Variants in ESRRG observed in about 807,000 individuals in gnomAD.
ESRRG encodes estrogen-related receptor gamma.
In ESRRG, 13 loss-of-function variants were observed where a neutral mutation model predicts 44.0. That is an observed-to-expected ratio of 0.30 (90% CI 0.19 to 0.47). The LOEUF (loss-of-function observed/expected upper bound fraction) is 0.47. ESRRG is among the 20% of genes least tolerant of loss of function. ESRRG has a pLI of 1.00. For synonymous variants in ESRRG, 215 were observed against 214.6 expected (o/e 1.00, Z -0.02); for missense variants, 395 against 580.6 (o/e 0.68, Z 3.29).
At chr1:217,027,806 G>GATA (rs2081448579) in intron 1 of ESRRG, among the ~76,000 whole-genome samples, 1 of 152,100 alleles carries the variant, frequency 6.6e-6, no homozygotes, top group African/African-American at 2.4e-5. Flanking sequence ...GGATAAAGTA[G>GATA]ACAAATAACA....
At chr1:216,674,208 AGT>A (rs1391770876) in intron 2 of ESRRG, among the ~76,000 whole-genome samples, 1 of 152,208 alleles carries the variant, frequency 6.6e-6, no homozygotes, top group Non-Finnish European at 1.5e-5. Flanking sequence ...CAAGTTTTGT[AGT>A]GTTACCAAAT....
intron 6 of ESRRG, among the ~76,000 whole-genome samples, chr1:216,514,021 A>G (rs1187646110): frequency 2.0e-5 from 3 of 152,192 alleles, no homozygotes; most frequent in African/African-American, 7.2e-5. Flanking sequence ...CCCAGGTAAT[A>G]AGCACATATT....
At chr1:217,098,183 A>G (rs778321466) in intron 1 of ESRRG, among the ~76,000 whole-genome samples, 2 of 152,212 alleles carry the variant, frequency 1.3e-5, no homozygotes, top group East Asian at 1.9e-4. Context: ...TCACAGACCC[A>G]TAAAGCTTAT....
chr1:216,516,668 C>CACACACACACACACAGAGAGAGAGAGAG (rs376701865), intron 6 of ESRRG, among the ~76,000 whole-genome samples: 4 of 137,168 alleles, frequency 2.9e-5, no homozygotes, highest in African/African-American at 1.2e-4. Flanking sequence ...CACACACACA[C>CACACACACACACACAGAGAGAGAGAGAG]AGAGAGAGAG....
intron 2 of ESRRG, among the ~76,000 whole-genome samples, chr1:216,772,677 T>TG (rs2093430236): frequency 6.6e-6 from 1 of 152,060 alleles, no homozygotes; most frequent in African/African-American, 2.4e-5. Flanking sequence ...TAGAAAACAA[T>TG]GGCATAGTGA....
At chr1:216,771,245 T>C (rs1391437906) in intron 2 of ESRRG, among the ~76,000 whole-genome samples, 1 of 152,184 alleles carries the variant, frequency 6.6e-6, no homozygotes, top group East Asian at 1.9e-4. Flanking sequence ...TGATACTTGC[T>C]TTTTATATTA....
chr1:216,951,118 C>T (rs1006983781), intron 1 of ESRRG, among the ~76,000 whole-genome samples: 4 of 152,162 alleles, frequency 2.6e-5, no homozygotes, highest in African/African-American at 9.7e-5. Flanking sequence ...CTGTCAACAG[C>T]AGCATGTTCA....
chr1:216,605,342 T>C (rs2059785373), intron 3 of ESRRG, among the ~76,000 whole-genome samples: 1 of 151,948 alleles, frequency 6.6e-6, no homozygotes, highest in African/African-American at 2.4e-5. Context: ...AAACTAGACA[T>C]ATGGAGCAGT....
intron 2 of ESRRG, among the ~76,000 whole-genome samples, chr1:216,868,166 C>A (rs2096202709): frequency 7.0e-6 from 1 of 143,234 alleles, no homozygotes; most frequent in Non-Finnish European, 1.5e-5. Flanking sequence ...GGGCTCACTG[C>A]AACCTCCGCC....
intron 2 of ESRRG, among the ~76,000 whole-genome samples, chr1:216,923,015 C>G (rs972692446): frequency 3.9e-5 from 6 of 152,136 alleles, no homozygotes; most frequent in Admixed American, 6.5e-5. Flanking sequence ...CAAGAGTCAC[C>G]AGAGAGCAGC....
intron 1 of ESRRG, among the ~76,000 whole-genome samples, chr1:217,057,042 G>A (rs1042845254): frequency 6.6e-6 from 1 of 152,244 alleles, no homozygotes; most frequent in Admixed American, 6.5e-5. Context: ...GGGAGATGGA[G>A]CAGTTTACTC....
At chr1:216,927,215 C>A (rs963767604) in intron 2 of ESRRG, among the ~76,000 whole-genome samples, 1 of 152,126 alleles carries the variant, frequency 6.6e-6, no homozygotes, top group African/African-American at 2.4e-5. Flanking sequence ...TCTTCAAAGG[C>A]TCGATTTTTC....
rs117684932 is a variant in ESRRG, at chr1:216,844,695, C to T, written c.-14+94887G>A. Among the ~76,000 whole-genome samples, 1,333 of 152,158 alleles carry T rather than the reference C, an allele frequency of 8.8e-3. 16 individuals are homozygous for T. The highest frequency in any genetic ancestry group is 0.044 in the East Asian group (228 of 5,162). On this transcript the variant is annotated intron_variant, in intron 2 of 7. Coordinates refer to the ESRRG transcript ENST00000359162. ...ACTCTGCTATAAAATAATACTGATG[C>T]GCCCCCATCCTTCTCAAGTCGTGCA...
intron 1 of ESRRG, among the ~76,000 whole-genome samples, chr1:217,019,093 C>T (rs1293367561): frequency 6.6e-6 from 1 of 152,158 alleles, no homozygotes; most frequent in Non-Finnish European, 1.5e-5. Flanking sequence ...GTTCAGATGT[C>T]TTTTATTTCT....
chr1:216,766,312 G>A (rs191832689), intron 2 of ESRRG, among the ~76,000 whole-genome samples: 1 of 152,002 alleles, frequency 6.6e-6, no homozygotes, highest in African/African-American at 2.4e-5. Flanking sequence ...CTGGAGGGAG[G>A]TACAATTATG....
At chr1:217,129,467 A>G (rs1263375418) in intron 1 of ESRRG, among the ~76,000 whole-genome samples, 1 of 152,230 alleles carries the variant, frequency 6.6e-6, no homozygotes, top group Non-Finnish European at 1.5e-5. Context: ...CAGAAAACAT[A>G]TGTTTAAACA....
intron 3 of ESRRG, among the ~76,000 whole-genome samples, chr1:216,595,513 C>T (rs1266678098): frequency 6.6e-6 from 1 of 152,032 alleles, no homozygotes; most frequent in African/African-American, 2.4e-5. Context: ...TCAAATAATT[C>T]AAAAAATAAA....
At chr1:216,691,196 A>G (rs2078990690) in intron 1 of ESRRG, among the ~76,000 whole-genome samples, 1 of 152,194 alleles carries the variant, frequency 6.6e-6, no homozygotes, top group South Asian at 2.1e-4. Context: ...AGAATATAGA[A>G]TAAAGAAAAA....
intron 2 of ESRRG, among the ~76,000 whole-genome samples, chr1:216,929,668 A>G (rs2063067890): frequency 6.6e-6 from 1 of 152,188 alleles, no homozygotes; most frequent in Non-Finnish European, 1.5e-5. Flanking sequence ...GCAGGAGTTT[A>G]GGAAAGCAGA....
Sources: allele counts gnomAD v4.1 joint callset (sites outside exome capture counted in the v4.1 genomes callset), GRCh38; gene constraint gnomAD v4.1.1; transcripts MANE v1.5; gene names NCBI Gene and HGNC (gene_info 2026-07-23, HGNC 2026-07-21).